P2RY8: variants seen among roughly 807,000 people sequenced by gnomAD.
P2RY8 encodes the protein S-geranylgeranyl-glutathione receptor P2RY8.
A neutral mutation model predicts 10.0 loss-of-function variants in P2RY8; 6 were observed. That is an observed-to-expected ratio of 0.60 (90% confidence interval 0.33 to 1.19). The LOEUF (loss-of-function observed/expected upper bound fraction) is 1.19, where lower values mean the gene tolerates loss of function less well. Ranked by LOEUF, P2RY8 falls within the 50% of genes most tolerant of loss-of-function variation. The pLI is 0.04. For synonymous variants in P2RY8, 276 were observed against 252.5 expected (o/e 1.09, Z -0.88); for missense variants, 456 against 542.0 (o/e 0.84, Z 1.58).
At position 1,465,609 on chromosome X, in the gene P2RY8, G is replaced by A; in HGVS notation, c.950C>T (p.Thr317Ile). The A allele has an allele frequency of 6.2e-7, 1 of 1,613,276 alleles. No individual in the cohort carries two copies. The highest frequency in any genetic ancestry group is 1.1e-5 in the South Asian group (1 of 91,074). The change falls in exon 2 of 2, where the codon ACC becomes ATC. Residue 317 changes from threonine to isoleucine, a missense_variant. Thr to Ile is a moderately conservative substitution (Grantham distance 89). Coordinates refer to ENST00000381297, the MANE Select transcript of P2RY8 (RefSeq NM_178129.5). Reference protein sequence around the residue: ...YLGCRRVPRDTLDTRRESLFS... With the variant: ...YLGCRRVPRDILDTRRESLFS... ...GAGGCTCTCGCGGCGCGTGTCCAGGGTGTCTCTGGGCACCCGGCGGCAGCC... is the reference window on the plus strand; with the variant it reads ...GAGGCTCTCGCGGCGCGTGTCCAGGATGTCTCTGGGCACCCGGCGGCAGCC...
rs367824097 is a variant in P2RY8, at chrX:1,501,754, C to T, written c.-25+35167G>A. 4.7e-4 allele frequency among the ~76,000 whole-genome samples: 71 copies of T among 151,784 alleles called. 1 individual carries two copies. The highest frequency in any genetic ancestry group is 3.1e-3 in the East Asian group (16 of 5,148). ...GATTACAGGCGCGCACCACCACGCC[C>T]GGCTAATTTTTTGTATTTTTAGTAG... On this transcript the variant is annotated intron_variant, in intron 1 of 1. Transcript: ENST00000381297.
At chrX:1,524,570 C>T (rs1226483606) in intron 1 of P2RY8, among the ~76,000 whole-genome samples, 2 of 140,712 alleles carry the variant, frequency 1.4e-5, no homozygotes, top group African/African-American at 5.1e-5. Flanking sequence ...TCCATCCATC[C>T]ATCCATCCAT....
At chrX:1,470,383 C>T (rs2091769585) in intron 1 of P2RY8, among the ~76,000 whole-genome samples, 2 of 151,982 alleles carry the variant, frequency 1.3e-5, no homozygotes, top group South Asian at 4.2e-4. Context: ...GGTGTTGTGG[C>T]ACATGCCTGT....
rs2091624878 is a variant in P2RY8, at chrX:1,463,953, T to C, written c.*1526A>G. ...TTCAAACATGGTCCCATCCTGATGTTCCAGGTGGACACGGGTTTGGGAATG... is the reference window on the plus strand; with the variant it reads ...TTCAAACATGGTCCCATCCTGATGTCCCAGGTGGACACGGGTTTGGGAATG... On this transcript the variant is annotated 3_prime_UTR_variant, in exon 2 of 2. Coordinates refer to ENST00000381297, the MANE Select transcript of P2RY8 (RefSeq NM_178129.5). 4.3e-6 allele frequency: 1 copy of C among 233,216 alleles called. No individual in the cohort carries two copies. The highest frequency in any genetic ancestry group is 1.8e-4 in the South Asian group (1 of 5,528). 14.4% of individuals were successfully genotyped at this position (233,216 alleles called of 1,614,324 possible). A position where few individuals can be genotyped will look rare whatever the true frequency, so the allele number is the denominator to read the frequency against.
chrX:1,470,199 A>T, intron 1 of P2RY8, among the ~76,000 whole-genome samples: 1 of 120,134 alleles, frequency 8.3e-6, no homozygotes, highest in African/African-American at 3.7e-5. Context: ...TTGTTACTAA[A>T]ATTAAACAAA....
intron 1 of P2RY8, among the ~76,000 whole-genome samples, chrX:1,478,785 C>G (rs1464208744): frequency 6.6e-6 from 1 of 151,980 alleles, no homozygotes; most frequent in Non-Finnish European, 1.5e-5. Context: ...GTACAGGTAT[C>G]TTTTTATGTG....
intron 1 of P2RY8, among the ~76,000 whole-genome samples, chrX:1,473,221 A>T (rs1208493297): frequency 2.5e-4 from 33 of 133,732 alleles, no homozygotes; most frequent in Admixed American, 2.4e-3. Context: ...GAGTAGGTAG[A>T]TGGATAGATG....
chrX:1,480,727 G>A (rs749528918), intron 1 of P2RY8, among the ~76,000 whole-genome samples: 3 of 152,024 alleles, frequency 2.0e-5, no homozygotes, highest in South Asian at 4.2e-4. Flanking sequence ...TGTAGATGAC[G>A]GGTTGATGGG....
intron 1 of P2RY8, among the ~76,000 whole-genome samples, chrX:1,508,087 A>C (rs1201814805): frequency 1.3e-5 from 2 of 152,178 alleles, no homozygotes; most frequent in African/African-American, 2.4e-5. Context: ...GTTTGGGGGA[A>C]AAATCCAGCA....
At chrX:1,527,676 A>G (rs1344506127) in intron 1 of P2RY8, among the ~76,000 whole-genome samples, 6 of 151,370 alleles carry the variant, frequency 4.0e-5, no homozygotes, top group Admixed American at 1.3e-4. Flanking sequence ...TCATTCATCC[A>G]CTCATTCATT....
intron 1 of P2RY8, among the ~76,000 whole-genome samples, chrX:1,497,186 C>G (rs1163375527): frequency 1.5e-5 from 2 of 131,582 alleles, no homozygotes; most frequent in Admixed American, 8.4e-5. Flanking sequence ...CGCGCCACTG[C>G]ACTCCAGCCT....
intron 1 of P2RY8, among the ~76,000 whole-genome samples, chrX:1,520,184 T>C (rs1431245333): frequency 6.6e-6 from 1 of 151,616 alleles, no homozygotes; most frequent in Admixed American, 6.6e-5. Context: ...CTCAATTATG[T>C]CCTTGGTCCC....
At chrX:1,507,623 G>A (rs1442340558) in intron 1 of P2RY8, among the ~76,000 whole-genome samples, 1 of 152,136 alleles carries the variant, frequency 6.6e-6, no homozygotes, top group Non-Finnish European at 1.5e-5. Context: ...CCCGGTCACA[G>A]CACCCGGCGG....
At chrX:1,506,592 G>A (rs1274766428) in intron 1 of P2RY8, among the ~76,000 whole-genome samples, 1 of 152,078 alleles carries the variant, frequency 6.6e-6, no homozygotes, top group Non-Finnish European at 1.5e-5. Flanking sequence ...ACGTTGACCA[G>A]AATCTTGACG....
intron 1 of P2RY8, among the ~76,000 whole-genome samples, chrX:1,523,776 G>A (rs1223513225): frequency 3.3e-5 from 5 of 152,122 alleles, no homozygotes; most frequent in Non-Finnish European, 7.4e-5. Flanking sequence ...TCCGCCTCCC[G>A]GGTTCAAGCG....
intron 1 of P2RY8, among the ~76,000 whole-genome samples, chrX:1,469,386 T>C (rs1170715603): frequency 1.3e-5 from 2 of 151,682 alleles, no homozygotes; most frequent in Non-Finnish European, 2.9e-5. Flanking sequence ...AGGCTGGTCT[T>C]GAATTCCTGA....
At chrX:1,492,079 G>C (rs1470260711) in intron 1 of P2RY8, among the ~76,000 whole-genome samples, 2 of 152,136 alleles carry the variant, frequency 1.3e-5, no homozygotes, top group African/African-American at 4.8e-5. Context: ...CTCGCCCCTG[G>C]GGTCACTCCC....
At chrX:1,494,290 G>A (rs752591321) in intron 1 of P2RY8, 325 of 152,418 alleles carry the variant, frequency 2.1e-3, no homozygotes, top group Non-Finnish European at 3.4e-3. Flanking sequence ...AAATCCCACT[G>A]GCTGTGCCTG....
chrX:1,503,674 C>CAT (rs1455900341), intron 1 of P2RY8, among the ~76,000 whole-genome samples: 40 of 151,946 alleles, frequency 2.6e-4, no homozygotes, highest in African/African-American at 7.7e-4. Flanking sequence ...GCGGGTGGAT[C>CAT]ATCTGAGGTC....
Sources: gnomAD v4.1 joint callset for allele counts (sites outside exome capture counted in the v4.1 genomes callset) on GRCh38, gnomAD v4.1.1 for gene constraint, MANE v1.5 for transcripts, NCBI Gene and HGNC (gene_info 2026-07-23, HGNC 2026-07-21) for gene names.